Variants in CTNNA2 observed in about 807,000 individuals in gnomAD.
The protein encoded by CTNNA2 is catenin alpha 2.
In CTNNA2, 42 loss-of-function variants were observed where a neutral mutation model predicts 101.0. That is an observed-to-expected ratio of 0.42 (90% CI 0.32 to 0.54). CTNNA2 has a LOEUF of 0.54. CTNNA2 is among the 20% of genes least tolerant of loss of function. CTNNA2 has a pLI of 0.14. For missense variants in CTNNA2, 871 were observed against 1,223.1 expected (o/e 0.71, Z 4.29); for synonymous variants, 450 against 456.4 (o/e 0.99, Z 0.18).
At chr2:80,127,243 GT>G (rs1702189507) in intron 7 of CTNNA2, among the ~76,000 whole-genome samples, 1 of 151,270 alleles carries the variant, frequency 6.6e-6, no homozygotes, top group Admixed American at 6.6e-5. Flanking sequence ...GTTTTTTTTT[GT>G]TTTGTATAGG....
intron 9 of CTNNA2, among the ~76,000 whole-genome samples, chr2:80,448,065 G>A (rs1327449905): frequency 3.3e-5 from 5 of 152,184 alleles, no homozygotes; most frequent in Non-Finnish European, 7.4e-5. Flanking sequence ...GTTCTGGAAG[G>A]AGTCCAATTA....
intron 8 of CTNNA2, among the ~76,000 whole-genome samples, chr2:80,404,692 AC>A (rs1315655580): frequency 6.6e-6 from 1 of 152,184 alleles, no homozygotes; most frequent in Non-Finnish European, 1.5e-5. Context: ...GGTGGAAGGG[AC>A]ACTATGGGTC....
intron 6 of CTNNA2, among the ~76,000 whole-genome samples, chr2:79,898,239 T>C (rs1684846805): frequency 1.3e-5 from 2 of 152,100 alleles, no homozygotes. Context: ...GTTCAAGTGA[T>C]TCTCCTGCCT....
Position 80,274,637 on chromosome 2 carries a change from A to G in CTNNA2, c.1057-118574A>G, listed in dbSNP as rs947702317. Among the ~76,000 whole-genome samples, 14 of 152,208 alleles carry G rather than the reference A, an allele frequency of 9.2e-5. 1 individual carries two copies. Among genetic ancestry groups the G allele is most frequent in the Non-Finnish European group, 4.4e-5 (3 of 68,036 alleles). Reference sequence around the variant, plus strand: ...CAATTAGCATTTTTCCCTACTGGGAATAAACTCCACCTCCCCCTGTTTTCC... The same window carrying G: ...CAATTAGCATTTTTCCCTACTGGGAGTAAACTCCACCTCCCCCTGTTTTCC... On this transcript the variant is annotated intron_variant, in intron 7 of 18. Coordinates refer to ENST00000402739, the MANE Select transcript of CTNNA2 (RefSeq NM_001282597.3).
intron 4 of CTNNA2, among the ~76,000 whole-genome samples, chr2:79,463,245 C>T (rs969483960): frequency 2.6e-5 from 4 of 151,876 alleles, no homozygotes; most frequent in African/African-American, 9.7e-5. Flanking sequence ...AACCCTGTCT[C>T]TAAAATACAA....
intron 9 of CTNNA2, among the ~76,000 whole-genome samples, chr2:80,474,892 A>C (rs1685601090): frequency 6.6e-6 from 1 of 152,204 alleles, no homozygotes; most frequent in Non-Finnish European, 1.5e-5. Context: ...GGAGAATTGA[A>C]GAGCACATGG....
chr2:79,435,745 C>G (rs1678705781), intron 4 of CTNNA2, among the ~76,000 whole-genome samples: 1 of 151,874 alleles, frequency 6.6e-6, no homozygotes, highest in African/African-American at 2.4e-5. Context: ...AGCAAGTATG[C>G]AGGAGAGGGT....
chr2:79,529,322 A>G lies in CTNNA2; in HGVS notation c.-6+16115A>G, dbSNP rs1398510358. 3.9e-5 allele frequency among the ~76,000 whole-genome samples: 6 copies of G among 152,330 alleles called. No homozygotes were observed. In the South Asian group the frequency reaches 1.2e-3, roughly 32 times the overall value. ...AAAGACAAGGCTAACCGTGAACGTT[A>G]TCACATGTCTTCTTGTGCGAAACAT... On this transcript the variant is annotated intron_variant, in intron 1 of 18. Coordinates refer to ENST00000402739, the MANE Select transcript of CTNNA2 (RefSeq NM_001282597.3).
In CTNNA2 at chr2:80,215,375, A is replaced by T. The variant is rs143510750; in HGVS notation, c.1057-177836A>T. On this transcript the variant is annotated intron_variant, in intron 7 of 18. Transcript: ENST00000402739. ...TTAGAACTTTCAGCTTTTCTGCTCTATCCCTATCTTTGTGGTTTTATTTAC... is the reference window on the plus strand; with the variant it reads ...TTAGAACTTTCAGCTTTTCTGCTCTTTCCCTATCTTTGTGGTTTTATTTAC... Among the ~76,000 whole-genome samples the T allele has an allele frequency of 2.6e-5, 4 of 152,074 alleles. No individual in the cohort carries two copies. In the East Asian group the frequency reaches 5.8e-4, roughly 22 times the overall value.
intron 9 of CTNNA2, among the ~76,000 whole-genome samples, chr2:80,514,353 C>T (rs933295148): frequency 3.3e-5 from 5 of 152,102 alleles, no homozygotes; most frequent in Non-Finnish European, 5.9e-5. Context: ...GGGCATGTTA[C>T]AATGCTCTCT....
At chr2:80,567,656 G>A (rs1324106162) in intron 12 of CTNNA2, among the ~76,000 whole-genome samples, 1 of 152,076 alleles carries the variant, frequency 6.6e-6, no homozygotes, top group East Asian at 1.9e-4. Context: ...ACCTGGTATA[G>A]GGGACACTGG....
intron 2 of CTNNA2, among the ~76,000 whole-genome samples, chr2:79,724,731 C>T (rs147975620): frequency 1.4e-3 from 195 of 140,274 alleles, no homozygotes; most frequent in African/African-American, 4.8e-3. Flanking sequence ...AGGAGAATGG[C>T]GTGAACCTGG....
At chr2:79,373,536 C>G (rs1048615831) in intron 3 of CTNNA2, among the ~76,000 whole-genome samples, 1 of 152,112 alleles carries the variant, frequency 6.6e-6, no homozygotes, top group Non-Finnish European at 1.5e-5. Context: ...AGCACTCAGT[C>G]AGTGCAGGGC....
chr2:79,354,523 A>AT (rs1677462491), intron 3 of CTNNA2, among the ~76,000 whole-genome samples: 1 of 152,000 alleles, frequency 6.6e-6, no homozygotes, highest in Non-Finnish European at 1.5e-5. Flanking sequence ...TTTCAGTTCC[A>AT]TTTGTTCAAT....
At chr2:79,230,237 A>G (rs1022506769) in intron 2 of CTNNA2, among the ~76,000 whole-genome samples, 28 of 152,226 alleles carry the variant, frequency 1.8e-4, no homozygotes, top group African/African-American at 6.5e-4. Flanking sequence ...TCACAGGCCC[A>G]GAGGCATAGG....
chr2:80,404,004 G>C lies in CTNNA2; in HGVS notation c.1137+10713G>C, dbSNP rs1310562798. Among the ~76,000 whole-genome samples, 6 of 152,190 alleles carry C rather than the reference G, an allele frequency of 3.9e-5. No individual in the cohort carries two copies. The South Asian group carries it at 1.2e-3, about 32-fold the overall frequency. On this transcript the variant is annotated intron_variant, in intron 8 of 18. Coordinates refer to ENST00000402739, the MANE Select transcript of CTNNA2 (RefSeq NM_001282597.3). The stretch of plus-strand genomic sequence containing the variant: ...AACTTTTTAATGTGCTACTGTGTTT[G>C]GTTTGCCAGTATTTTATTGAGGATT...
chr2:80,295,116 T>C (rs1483430318), intron 7 of CTNNA2, among the ~76,000 whole-genome samples: 1 of 151,984 alleles, frequency 6.6e-6, no homozygotes, highest in Non-Finnish European at 1.5e-5. Flanking sequence ...TCTCTTTCTC[T>C]CTCTTTCCCT....
intron 1 of CTNNA2, among the ~76,000 whole-genome samples, chr2:79,560,797 C>T (rs74501932): frequency 0.019 from 2,928 of 151,960 alleles, 90 homozygotes; most frequent in African/African-American, 0.066. Flanking sequence ...AGAAAATGTT[C>T]ACCATCAGCT....
intron 6 of CTNNA2, among the ~76,000 whole-genome samples, chr2:79,875,018 G>A (rs1019187157): frequency 6.6e-6 from 1 of 152,172 alleles, no homozygotes; most frequent in Non-Finnish European, 1.5e-5. Flanking sequence ...TTAAATCAGT[G>A]ATAAAGTACA....
Sources: gnomAD v4.1 joint callset for allele counts (sites outside exome capture counted in the v4.1 genomes callset) on GRCh38, gnomAD v4.1.1 for gene constraint, MANE v1.5 for transcripts, NCBI Gene and HGNC (gene_info 2026-07-23, HGNC 2026-07-21) for gene names.